SLC1A4: variants seen among roughly 807,000 people sequenced by gnomAD.
SLC1A4 encodes the protein solute carrier family 1 member 4, also known as neutral amino acid transporter A.
Under a neutral mutation model 37.7 loss-of-function variants are expected in SLC1A4, and 19 were observed. That is an observed-to-expected ratio of 0.50 (90% confidence interval 0.35 to 0.74). SLC1A4 has a LOEUF of 0.74. Among genes scored for constraint, SLC1A4 ranks in the 30% least tolerant of loss-of-function variants. SLC1A4 has a pLI of 0.01. For missense variants in SLC1A4, 570 were observed against 712.9 expected, an observed-to-expected ratio of 0.80 and a Z score of 2.28; for synonymous variants, 299 against 309.8, an observed-to-expected ratio of 0.97 and a Z score of 0.37.
intron 1 of SLC1A4, among the ~76,000 whole-genome samples, chr2:64,992,769 C>A (rs940974866): frequency 1.3e-5 from 2 of 152,126 alleles, no homozygotes; most frequent in African/African-American, 4.8e-5. Flanking sequence ...GAAATGCTTT[C>A]TCTGGGCCCA....
At chr2:65,019,127 T>G (rs1214630860) in intron 7 of SLC1A4, among the ~76,000 whole-genome samples, 2 of 152,184 alleles carry the variant, frequency 1.3e-5, no homozygotes, top group Admixed American at 6.5e-5. Context: ...GACTTGGGCT[T>G]GGGCTCAGCA....
At chr2:64,991,444 T>A (rs1482668360) in intron 1 of SLC1A4, among the ~76,000 whole-genome samples, 1 of 99,800 alleles carries the variant, frequency 1.0e-5, no homozygotes, top group Non-Finnish European at 2.0e-5. Flanking sequence ...TTTTTTTTTT[T>A]AAAGTCTGGG....
In SLC1A4 at chr2:65,020,936, T is replaced by C. The variant is rs779482306; in HGVS notation, c.1389T>C (p.Asn463=). 4.0e-5 allele frequency: 64 copies of C among 1,613,984 alleles called. No individual in the cohort carries two copies. In the East Asian group the frequency reaches 5.1e-4, roughly 13 times the overall value. Residue 463 remains asparagine, a synonymous_variant, in exon 8 of 8, where the codon AAT becomes AAC. Transcript: ENST00000234256. ...WIVDRTTTVV[N]VEGDALGAGI... Reference sequence around the variant, plus strand: ...GGGACCGGACCACCACGGTGGTGAATGTGGAAGGGGATGCCCTGGGTGCAG... The same window carrying C: ...GGGACCGGACCACCACGGTGGTGAACGTGGAAGGGGATGCCCTGGGTGCAG...
chr2:65,011,507 A>C (rs1183372469), intron 4 of SLC1A4: 1 of 151,674 alleles, frequency 6.6e-6, no homozygotes, highest in African/African-American at 2.4e-5. Context: ...ACCTCAGGTG[A>C]TCTACCTGCC....
At chr2:65,002,424 C>A (rs13010290) in intron 2 of SLC1A4, among the ~76,000 whole-genome samples, 1 of 151,528 alleles carries the variant, frequency 6.6e-6, no homozygotes, top group African/African-American at 2.4e-5. Flanking sequence ...AGCTACCCTT[C>A]TGCATAACGC....
intron 1 of SLC1A4, chr2:64,999,509 T>A (rs1173343414): frequency 6.6e-6 from 1 of 152,104 alleles, no homozygotes; most frequent in African/African-American, 2.4e-5. Flanking sequence ...AAATCTCACA[T>A]ATTTACTATC....
chr2:65,021,163 G>A lies in SLC1A4; in HGVS notation c.*17G>A. ...GTTCTGTGATGGGGCTGGGCTTTGG[G>A]CTTGCCTGCCAGCAGTGATGTCCCA... On this transcript the variant is annotated 3_prime_UTR_variant, in exon 8 of 8. Transcript: ENST00000234256. 6.3e-7 allele frequency: 1 copy of A among 1,599,930 alleles called. No homozygotes were observed. Among genetic ancestry groups the A allele is most frequent in the Non-Finnish European group, 8.6e-7 (1 of 1,167,870 alleles).
At chr2:64,997,634 G>A (rs1029787780) in intron 1 of SLC1A4, among the ~76,000 whole-genome samples, 2 of 152,178 alleles carry the variant, frequency 1.3e-5, no homozygotes, top group Non-Finnish European at 2.9e-5. Context: ...ATGTTGTTGC[G>A]TATATCACTT....
intron 2 of SLC1A4, among the ~76,000 whole-genome samples, chr2:65,002,649 C>T (rs913970769): frequency 7.3e-6 from 1 of 137,364 alleles, no homozygotes; most frequent in Non-Finnish European, 1.5e-5. Flanking sequence ...GCGATCTTGG[C>T]TCACTGCCAG....
chr2:65,016,724 C>A, intron 5 of SLC1A4, 51 bp downstream of exon 5: 2 of 1,186,792 alleles, frequency 1.7e-6, no homozygotes, highest in Non-Finnish European at 1.3e-6. Context: ...TAACATGGAA[C>A]CAGGTGAGCC....
At position 64,990,015 on chromosome 2, in the gene SLC1A4, C is replaced by T. The variant is rs1287630325; in HGVS notation, c.372C>T (p.Thr124=). ...TCGCTGTCGCCTACTTTGGCCTCAC[C>T]ACACTGAGTGCCTCGGCGCTCGCCG... ...GGIAVAYFGL[T]TLSASALAVA... is the part of the protein sequence containing the mutation. Residue 124 remains threonine, a synonymous_variant, in exon 1 of 8, where the codon ACC becomes ACT. Coordinates refer to ENST00000234256, the MANE Select transcript of SLC1A4 (RefSeq NM_003038.5). The T allele has an allele frequency of 6.2e-7, 1 of 1,601,586 alleles. No homozygotes were observed. Among genetic ancestry groups the T allele is most frequent in the Non-Finnish European group, 8.5e-7 (1 of 1,174,210 alleles).
intron 1 of SLC1A4, among the ~76,000 whole-genome samples, chr2:64,998,618 C>T (rs867113791): frequency 3.9e-5 from 6 of 152,188 alleles, no homozygotes; most frequent in African/African-American, 1.4e-4. Flanking sequence ...AGTCTGAAAA[C>T]AGGTCGGTGT....
chr2:64,991,650 G>T (rs1165453812), intron 1 of SLC1A4, among the ~76,000 whole-genome samples: 1 of 152,196 alleles, frequency 6.6e-6, no homozygotes, highest in Non-Finnish European at 1.5e-5. Flanking sequence ...CACCCAGGCT[G>T]GAGTGCAGTG....
intron 3 of SLC1A4, among the ~76,000 whole-genome samples, chr2:65,005,418 CTCTG>C (rs1236653661): frequency 3.9e-5 from 6 of 152,216 alleles, no homozygotes; most frequent in South Asian, 4.1e-4. Context: ...GGTCACTTCA[CTCTG>C]TCTGGCCAGA....
intron 1 of SLC1A4, among the ~76,000 whole-genome samples, chr2:64,994,478 GGGTGTGGCCATGTATAT>G (rs1485302214): frequency 6.6e-6 from 1 of 152,250 alleles, no homozygotes; most frequent in African/African-American, 2.4e-5. Context: ...TAGCATAGTA[GGGTGTGGCCATGTATAT>G]GGTAAATACA....
rs866352259 is a variant in SLC1A4 at position 64,991,640 on chromosome 2, C to T, written c.527+1470C>T. ...TTTTTGAGACGGAGTCTCGCTCTGT[C>T]ACCCAGGCTGGAGTGCAGTGTGCGA... On this transcript the variant is annotated intron_variant, in intron 1 of 7. Coordinates refer to ENST00000234256, the MANE Select transcript of SLC1A4 (RefSeq NM_003038.5). Among the ~76,000 whole-genome samples the T allele has an allele frequency of 3.9e-5, 6 of 152,070 alleles. No homozygotes were observed. In the South Asian group the frequency reaches 1.2e-3, roughly 31 times the overall value.
intron 2 of SLC1A4, among the ~76,000 whole-genome samples, chr2:65,002,087 C>T (rs922798514): frequency 1.3e-5 from 2 of 152,114 alleles, no homozygotes; most frequent in Non-Finnish European, 2.9e-5. Flanking sequence ...CAAGACCAGC[C>T]TGGCCAACAC....
intron 3 of SLC1A4, among the ~76,000 whole-genome samples, chr2:65,005,943 C>T (rs947477090): frequency 2.0e-5 from 3 of 151,664 alleles, no homozygotes; most frequent in African/African-American, 4.8e-5. Flanking sequence ...GTCAATGCTG[C>T]AGTGAGTCAT....
Position 65,016,384 on chromosome 2 carries a change from C to G in SLC1A4, c.801-56C>G. 5.1e-6 allele frequency: 7 copies of G among 1,360,264 alleles called. No individual in the cohort carries two copies. In the South Asian group the frequency reaches 8.2e-5, roughly 16 times the overall value. 84.3% of individuals were successfully genotyped at this position (1,360,264 alleles called of 1,614,324 possible). ...TGCATTCTGCCTCAGGAAGGACCTG[C>G]ATCTCTCACCCCAGCTTTATCCCCC... On this transcript the variant is annotated intron_variant, in intron 4 of 7. Transcript: ENST00000234256.
Sources: gnomAD v4.1 joint callset for allele counts (sites outside exome capture counted in the v4.1 genomes callset) on GRCh38, gnomAD v4.1.1 for gene constraint, MANE v1.5 for transcripts, NCBI Gene and HGNC (gene_info 2026-07-23, HGNC 2026-07-21) for gene names.